Variants in PALM2AKAP2 observed in about 807,000 individuals in gnomAD.
The protein encoded by PALM2AKAP2 is PALM2 and AKAP2 fusion, also known as PALM2-AKAP2 fusion protein.
Under a neutral mutation model 71.5 loss-of-function variants are expected in PALM2AKAP2, and 37 were observed. The ratio of observed to expected loss-of-function variants is 0.52; its 90% CI spans 0.40 to 0.68. The LOEUF is 0.68. Among genes scored for constraint, PALM2AKAP2 ranks in the 30% least tolerant of loss-of-function variants. The probability of loss-of-function intolerance (pLI) is 0.00; values close to 1 mark genes in which losing one functional copy is unlikely to be tolerated. For missense variants in PALM2AKAP2, 1,224 were observed against 1,191.8 expected, an observed-to-expected ratio of 1.03 and a Z score of -0.40; for synonymous variants, 468 against 478.8, an observed-to-expected ratio of 0.98 and a Z score of 0.29.
At chr9:110,057,587 C>T (rs985246791) in intron 1 of PALM2AKAP2, among the ~76,000 whole-genome samples, 2 of 151,962 alleles carry the variant, frequency 1.3e-5, no homozygotes, top group African/African-American at 4.8e-5. Context: ...ACTGTGTTAG[C>T]CAGGGTGGTC....
At chr9:109,766,575 T>C (rs897903336) in intron 1 of PALM2AKAP2, among the ~76,000 whole-genome samples, 1 of 152,256 alleles carries the variant, frequency 6.6e-6, no homozygotes, top group African/African-American at 2.4e-5. Context: ...ACAGCATCTT[T>C]ATTTATTGTG....
intron 6 of PALM2AKAP2, among the ~76,000 whole-genome samples, chr9:109,990,115 A>C (rs1469032976): frequency 7.4e-6 from 1 of 135,956 alleles, no homozygotes; most frequent in East Asian, 2.1e-4. Context: ...TCTGTCACCC[A>C]GGCTGGAGTG....
At chr9:110,004,991 G>A (rs533722695) in intron 6 of PALM2AKAP2, among the ~76,000 whole-genome samples, 115 of 152,256 alleles carry the variant, frequency 7.6e-4, no homozygotes, top group African/African-American at 2.5e-3. Context: ...CCTTTAGCTC[G>A]GAGTAGTTTG....
intron 1 of PALM2AKAP2, among the ~76,000 whole-genome samples, chr9:109,822,366 T>G (rs1054558141): frequency 2.0e-5 from 3 of 152,174 alleles, no homozygotes; most frequent in African/African-American, 7.2e-5. Context: ...TATTTCTTCC[T>G]CCTTTTTTCT....
At chr9:109,992,287 C>T (rs1437447977) in intron 6 of PALM2AKAP2, among the ~76,000 whole-genome samples, 2 of 152,130 alleles carry the variant, frequency 1.3e-5, no homozygotes, top group African/African-American at 2.4e-5. Flanking sequence ...TTAAGGACTC[C>T]CAGTTATATT....
At chr9:109,905,971 A>G (rs1430203585) in intron 3 of PALM2AKAP2, among the ~76,000 whole-genome samples, 3 of 152,144 alleles carry the variant, frequency 2.0e-5, no homozygotes, top group African/African-American at 2.4e-5. Flanking sequence ...CTAAAAATAA[A>G]TAAACAAATA....
At chr9:110,147,463 A>G (rs1836204445) in intron 2 of PALM2AKAP2, among the ~76,000 whole-genome samples, 1 of 152,154 alleles carries the variant, frequency 6.6e-6, no homozygotes, top group African/African-American at 2.4e-5. Context: ...GTACATAAAA[A>G]GCTCCCAGTA....
chr9:109,716,902 T>C lies in PALM2AKAP2; in HGVS notation c.6-63586T>C, dbSNP rs1828332479. ...TATGAGTAAGTGAAGAAAAATGAGG[T>C]TTTGGGGAATCAGAAGGGCAGGGCT... On this transcript the variant is annotated intron_variant, in intron 1 of 6. Coordinates refer to the PALM2AKAP2 transcript ENST00000374531. Among the ~76,000 whole-genome samples the C allele has an allele frequency of 4.6e-5, 7 of 151,842 alleles. No individual in the cohort carries two copies. In the South Asian group the frequency reaches 1.5e-3, roughly 32 times the overall value.
At chr9:109,854,755 G>C (rs368200042) in intron 1 of PALM2AKAP2, among the ~76,000 whole-genome samples, 2 of 113,880 alleles carry the variant, frequency 1.8e-5, no homozygotes, top group African/African-American at 6.4e-5. Flanking sequence ...GTTTTTAAAA[G>C]AATGTATCTT....
intron 1 of PALM2AKAP2, among the ~76,000 whole-genome samples, chr9:110,125,337 G>A (rs893210130): frequency 3.3e-5 from 5 of 152,190 alleles, no homozygotes; most frequent in South Asian, 2.1e-4. Flanking sequence ...GGAGCAGGCC[G>A]GGCCTGCTCT....
At chr9:110,055,481 G>A (rs1014683926) in intron 1 of PALM2AKAP2, among the ~76,000 whole-genome samples, 14 of 152,244 alleles carry the variant, frequency 9.2e-5, no homozygotes, top group African/African-American at 2.7e-4. Context: ...ACAGGCATGA[G>A]CCACCACGCC....
At chr9:110,106,772 G>A (rs1309908364) in intron 1 of PALM2AKAP2, among the ~76,000 whole-genome samples, 8 of 152,328 alleles carry the variant, frequency 5.3e-5, no homozygotes, top group Middle Eastern at 3.4e-3. Context: ...ATTTAAATCC[G>A]TCAACAGTCC....
chr9:109,643,457 C>G (rs1211277534), intron 1 of PALM2AKAP2, among the ~76,000 whole-genome samples: 1 of 152,214 alleles, frequency 6.6e-6, no homozygotes, highest in Non-Finnish European at 1.5e-5. Flanking sequence ...CTTGGGTGCT[C>G]AATAACTGGA....
At chr9:109,663,223 T>C (rs1827427778) in intron 1 of PALM2AKAP2, among the ~76,000 whole-genome samples, 2 of 152,218 alleles carry the variant, frequency 1.3e-5, no homozygotes, top group African/African-American at 4.8e-5. Context: ...TTTCTTGCCT[T>C]CTGCTAGCTT....
chr9:109,687,084 T>A (rs1827817095), intron 1 of PALM2AKAP2, among the ~76,000 whole-genome samples: 1 of 152,130 alleles, frequency 6.6e-6, no homozygotes, highest in Non-Finnish European at 1.5e-5. Context: ...TCATTGTTGG[T>A]CATTTAGGCT....
intron 1 of PALM2AKAP2, among the ~76,000 whole-genome samples, chr9:110,134,173 G>A: frequency 6.6e-6 from 1 of 151,850 alleles, no homozygotes; most frequent in Non-Finnish European, 1.5e-5. Flanking sequence ...TAGTCCTAAG[G>A]GAGACTGAGG....
At chr9:109,712,781 T>A (rs1272561502) in intron 1 of PALM2AKAP2, among the ~76,000 whole-genome samples, 4 of 152,312 alleles carry the variant, frequency 2.6e-5, no homozygotes, top group Middle Eastern at 3.4e-3. Flanking sequence ...CCCATTTAGG[T>A]GGTCTCCAGC....
Position 110,070,097 on chromosome 9 carries a change from C to G in PALM2AKAP2, c.156+21242C>G, listed in dbSNP as rs1360996459. On this transcript the variant is annotated intron_variant, in intron 1 of 3. Coordinates refer to ENST00000374525, the Ensembl canonical transcript of PALM2AKAP2. ...AGAGGGAAGCTTGTGACCATGACTC[C>G]TAGCAGAGCGGTACTGACAACCTAG... is the stretch of plus-strand genomic sequence containing the variant. 3.9e-5 allele frequency among the ~76,000 whole-genome samples: 6 copies of G among 152,176 alleles called. 1 individual carries two copies. The highest frequency in any genetic ancestry group is 3.9e-4 in the Admixed American group (6 of 15,274).
intron 6 of PALM2AKAP2, among the ~76,000 whole-genome samples, chr9:110,004,073 T>A (rs571280295): frequency 6.6e-6 from 1 of 152,366 alleles, no homozygotes; most frequent in Non-Finnish European, 1.5e-5. Context: ...CCTGTCATTA[T>A]GATGTTAGCT....
Sources: gnomAD v4.1 joint callset for allele counts (sites outside exome capture counted in the v4.1 genomes callset) on GRCh38, gnomAD v4.1.1 for gene constraint, MANE v1.5 for transcripts, NCBI Gene and HGNC (gene_info 2026-07-23, HGNC 2026-07-21) for gene names.